The following FGF14 variants were observed in gnomAD, a reference collection of about 807,000 sequenced individuals.
FGF14 encodes fibroblast growth factor 14, also known as fibroblast growth factor homologous factor 4.
In FGF14, 5 loss-of-function variants were observed where a neutral mutation model predicts 25.5. The observed-to-expected ratio is 0.20, with a 90% CI of 0.10 to 0.41. FGF14 has a LOEUF of 0.41. Among genes scored for constraint, FGF14 ranks in the 10% least tolerant of loss-of-function variants. The probability of loss-of-function intolerance (pLI) is 1.00; values close to 1 mark genes in which losing one functional copy is unlikely to be tolerated. For missense variants in FGF14, 222 were observed against 320.1 expected, an observed-to-expected ratio of 0.69 and a Z score of 2.34; for synonymous variants, 138 against 118.3, an observed-to-expected ratio of 1.17 and a Z score of -1.08.
intron 1 of FGF14, among the ~76,000 whole-genome samples, chr13:101,944,015 C>CA (rs58749888): frequency 3.7e-4 from 50 of 134,594 alleles, no homozygotes; most frequent in Non-Finnish European, 6.7e-4. Flanking sequence ...AAAAAAAAAA[C>CA]AAAAAAAAAA....
chr13:102,196,375 T>C (rs533716024), intron 1 of FGF14, among the ~76,000 whole-genome samples: 135 of 152,128 alleles, frequency 8.9e-4, no homozygotes, highest in African/African-American at 3.0e-3. Context: ...AATGAGTCAA[T>C]TGTAAAGAAA....
chr13:102,117,977 A>G (rs544856141), intron 1 of FGF14, among the ~76,000 whole-genome samples: 2 of 152,276 alleles, frequency 1.3e-5, no homozygotes, highest in East Asian at 1.9e-4. Context: ...AGCCATGTAG[A>G]TATTTTACCT....
intron 1 of FGF14, among the ~76,000 whole-genome samples, chr13:102,219,556 A>G (rs2050519638): frequency 6.6e-6 from 1 of 152,236 alleles, no homozygotes; most frequent in African/African-American, 2.4e-5. Flanking sequence ...AGAAAAAGTA[A>G]TATGCTTCAG....
intron 1 of FGF14, among the ~76,000 whole-genome samples, chr13:102,065,515 A>G (rs922427666): frequency 2.6e-5 from 4 of 152,122 alleles, no homozygotes; most frequent in Non-Finnish European, 5.9e-5. Flanking sequence ...ACAGAAAATA[A>G]CATGGTTTAT....
intron 1 of FGF14, among the ~76,000 whole-genome samples, chr13:101,910,276 A>AAAT (rs974502662): frequency 3.3e-5 from 5 of 152,030 alleles, no homozygotes; most frequent in Non-Finnish European, 2.9e-5. Context: ...AATCAGACCA[A>AAAT]AATAATAATA....
intron 1 of FGF14, among the ~76,000 whole-genome samples, chr13:102,152,762 T>C (rs1006990737): frequency 2.0e-5 from 3 of 152,226 alleles, no homozygotes; most frequent in Non-Finnish European, 4.4e-5. Flanking sequence ...TTAAAAAATA[T>C]ATCTAAACAC....
At chr13:101,744,695 C>T (rs1054012272) in intron 3 of FGF14, among the ~76,000 whole-genome samples, 4 of 152,020 alleles carry the variant, frequency 2.6e-5, no homozygotes, top group South Asian at 4.1e-4. Flanking sequence ...TGTAAATATT[C>T]CCATTGTATA....
intron 1 of FGF14, among the ~76,000 whole-genome samples, chr13:102,022,186 G>A (rs2040693031): frequency 6.6e-6 from 1 of 151,938 alleles, no homozygotes; most frequent in Admixed American, 6.6e-5. Context: ...TTTAATCTGG[G>A]CAAGAAATAG....
At chr13:102,174,317 CTTTCT>C (rs1441326734) in intron 1 of FGF14, among the ~76,000 whole-genome samples, 2 of 103,624 alleles carry the variant, frequency 1.9e-5, no homozygotes, top group East Asian at 2.2e-3. Flanking sequence ...TCTTTTCTTT[CTTTCT>C]TTTTTTTTTT....
chr13:102,282,466 C>A (rs1181114325), intron 1 of FGF14, among the ~76,000 whole-genome samples: 1 of 152,166 alleles, frequency 6.6e-6, no homozygotes, highest in African/African-American at 2.4e-5. Flanking sequence ...TAACTTATTT[C>A]ATTTTCTTTC....
At chr13:101,757,619 C>T (rs2037749750) in intron 3 of FGF14, among the ~76,000 whole-genome samples, 2 of 152,100 alleles carry the variant, frequency 1.3e-5, no homozygotes, top group Non-Finnish European at 2.9e-5. Context: ...TTTATATGCA[C>T]CCTGATTTAG....
chr13:101,931,119 A>C (rs1053397742), intron 1 of FGF14, among the ~76,000 whole-genome samples: 1 of 152,076 alleles, frequency 6.6e-6, no homozygotes, highest in African/African-American at 2.4e-5. Context: ...GACAAAACCT[A>C]CCCTATTTAT....
intron 1 of FGF14, among the ~76,000 whole-genome samples, chr13:102,334,718 A>G (rs1417134470): frequency 1.3e-5 from 2 of 152,174 alleles, no homozygotes; most frequent in East Asian, 3.9e-4. Context: ...AATAGAAATA[A>G]TTTGGCTTTC....
chr13:102,260,816 G>A (rs1017979741), intron 1 of FGF14, among the ~76,000 whole-genome samples: 5 of 152,144 alleles, frequency 3.3e-5, no homozygotes, highest in Admixed American at 2.6e-4. Flanking sequence ...TCCTGTTTCC[G>A]TGCTTAAAGT....
At chr13:102,350,562 C>A (rs1158252448) in intron 1 of FGF14, among the ~76,000 whole-genome samples, 1 of 152,120 alleles carries the variant, frequency 6.6e-6, no homozygotes, top group African/African-American at 2.4e-5. Flanking sequence ...AACTTGCACA[C>A]CCTCCTTAGC....
intron 1 of FGF14, among the ~76,000 whole-genome samples, chr13:102,398,743 A>G (rs1432668878): frequency 6.6e-6 from 1 of 151,922 alleles, no homozygotes; most frequent in African/African-American, 2.4e-5. Context: ...TACTAGCAGG[A>G]GAATGGAACT....
intron 1 of FGF14, among the ~76,000 whole-genome samples, chr13:101,951,392 A>G (rs2036157874): frequency 2.0e-5 from 3 of 152,096 alleles, no homozygotes. Context: ...AAATAATTTA[A>G]TCCCTTTATT....
intron 1 of FGF14, among the ~76,000 whole-genome samples, chr13:101,989,333 C>T (rs1268327621): frequency 6.6e-6 from 1 of 152,072 alleles, no homozygotes; most frequent in Non-Finnish European, 1.5e-5. Flanking sequence ...TTATGCCTTT[C>T]ATATTCACCT....
At chr13:102,161,682 GAA>G (rs1365138921) in intron 1 of FGF14, among the ~76,000 whole-genome samples, 2 of 57,158 alleles carry the variant, frequency 3.5e-5, no homozygotes, top group Non-Finnish European at 4.1e-5. Context: ...AGAAGAAGAA[GAA>G]GAAGAAGAAG....
Sources: allele counts gnomAD v4.1 joint callset (sites outside exome capture counted in the v4.1 genomes callset), GRCh38; gene constraint gnomAD v4.1.1; transcripts MANE v1.5; gene names NCBI Gene and HGNC (gene_info 2026-07-23, HGNC 2026-07-21).